The following MGST1 variants were observed in gnomAD, a reference collection of about 807,000 sequenced individuals.
MGST1 encodes the protein microsomal glutathione S-transferase 1.
In MGST1, 5 loss-of-function variants were observed where a neutral mutation model predicts 8.9. That is an observed-to-expected ratio of 0.56 (90% CI 0.29 to 1.19). The LOEUF (loss-of-function observed/expected upper bound fraction) is 1.19. MGST1 is among the 50% of genes most tolerant of loss of function. MGST1 has a pLI of 0.08. For missense variants in MGST1, 182 were observed against 187.4 expected, an observed-to-expected ratio of 0.97 and a Z score of 0.17; for synonymous variants, 54 against 67.8, an observed-to-expected ratio of 0.80 and a Z score of 1.00.
At position 16,497,319 on chromosome 12, in the gene MGST1, A is replaced by G. The variant is rs1941477409; in HGVS notation, n.483-92209A>G. ...ATGGAACAAATAATAGTTCTTTTTA[A>G]TCATGGAAATGAGGTAGTGTTAATC... On this transcript the variant is annotated intron_variant and non_coding_transcript_variant, in intron 4 of 4. Transcript: ENST00000538857. The surrounding 1 kb of genome is among the most constrained non-coding windows in gnomAD (Gnocchi z 4.4). 6.6e-6 allele frequency among the ~76,000 whole-genome samples: 1 copy of G among 152,150 alleles called. No homozygotes were observed.
rs918010827 is a variant in MGST1 at position 16,500,832 on chromosome 12, G to A, written n.483-88696G>A. ...ATGAAAATGTACTTAGAGGTTGGGC[G>A]TGGTGGCTCACGCCTGTAATCCCAG... On this transcript the variant is annotated intron_variant and non_coding_transcript_variant, in intron 4 of 4. Transcript: ENST00000538857. This position sits in a 1 kb window ranked among gnomAD's most constrained non-coding sequence, Gnocchi z 4.3. 2.0e-5 allele frequency among the ~76,000 whole-genome samples: 3 copies of A among 152,154 alleles called. No individual in the cohort carries two copies. Among genetic ancestry groups the A allele is most frequent in the Non-Finnish European group, 4.4e-5 (3 of 68,024 alleles).
chr12:16,565,887 T>C (rs1555116241), intron 4 of MGST1, among the ~76,000 whole-genome samples: 2 of 149,946 alleles, frequency 1.3e-5, no homozygotes, highest in Non-Finnish European at 3.0e-5. Context: ...AAGAGATATC[T>C]GCACTCTCGT....
chr12:16,451,380 ATAT>A (rs1369211781), intron 4 of MGST1, among the ~76,000 whole-genome samples: 1 of 151,922 alleles, frequency 6.6e-6, no homozygotes, highest in Non-Finnish European at 1.5e-5. Context: ...TCCACATACA[ATAT>A]TATACACACG....
At chr12:16,380,813 G>C (rs1446650184), downstream of MGST1, among the ~76,000 whole-genome samples, 1 of 152,166 alleles carries the variant, frequency 6.6e-6, no homozygotes, top group Non-Finnish European at 1.5e-5. Context: ...CTTGCTTTAT[G>C]AATCTGGGTG....
intron 4 of MGST1, among the ~76,000 whole-genome samples, chr12:16,571,730 G>C (rs916711330): frequency 1.3e-5 from 2 of 151,926 alleles, no homozygotes; most frequent in African/African-American, 4.8e-5. Flanking sequence ...ACCCTTTCAA[G>C]ATATTTATGT....
chr12:16,553,941 C>G (rs988842996), intron 4 of MGST1, among the ~76,000 whole-genome samples: 2 of 151,316 alleles, frequency 1.3e-5, no homozygotes, highest in African/African-American at 4.9e-5. Context: ...GCTACAATTA[C>G]TAAAAATAAA....
At chr12:16,427,626 C>A (rs1242544314) in intron 1 of MGST1, among the ~76,000 whole-genome samples, 2 of 152,206 alleles carry the variant, frequency 1.3e-5, no homozygotes, top group Non-Finnish European at 2.9e-5. Flanking sequence ...AAGTGATCCG[C>A]CCATCCTGGC....
intron 3 of MGST1, among the ~76,000 whole-genome samples, chr12:16,372,940 T>C (rs1940319883): frequency 7.0e-6 from 1 of 142,074 alleles, no homozygotes; most frequent in South Asian, 2.1e-4. Context: ...GTATATTTTA[T>C]ATTATATATT....
At chr12:16,512,700 G>T (rs1272526555) in intron 4 of MGST1, among the ~76,000 whole-genome samples, 1 of 152,294 alleles carries the variant, frequency 6.6e-6, no homozygotes, top group Non-Finnish European at 1.5e-5. Context: ...GGGATAAACA[G>T]AAGCCGTGCC....
At chr12:16,399,848 T>C in intron 1 of MGST1, 7 of 1,227,240 alleles carry the variant, frequency 5.7e-6, no homozygotes, top group South Asian at 3.6e-5. Context: ...GTAGTCCTTG[T>C]AGACAATTAC....
downstream of MGST1, among the ~76,000 whole-genome samples, chr12:16,590,539 CA>C (rs1482960380): frequency 6.6e-6 from 1 of 151,634 alleles, no homozygotes; most frequent in Non-Finnish European, 1.5e-5. Flanking sequence ...TAGCGGACTT[CA>C]AGAGTAGAAA....
At chr12:16,479,008 T>G (rs1323753742) in intron 4 of MGST1, among the ~76,000 whole-genome samples, 4 of 152,102 alleles carry the variant, frequency 2.6e-5, no homozygotes, top group African/African-American at 9.7e-5. Context: ...CATTGTGTCT[T>G]TATGAATTTA....
chr12:16,421,392 A>C (rs1328559598), intron 1 of MGST1, among the ~76,000 whole-genome samples: 1 of 152,160 alleles, frequency 6.6e-6, no homozygotes, highest in African/African-American at 2.4e-5. Flanking sequence ...TCCGGTTAAA[A>C]CACTTCCCTC....
intron 1 of MGST1, among the ~76,000 whole-genome samples, chr12:16,386,565 A>G (rs1940505849): frequency 6.6e-6 from 1 of 152,202 alleles, no homozygotes; most frequent in African/African-American, 2.4e-5. Context: ...TCTGTCATGA[A>G]GAATTACGAG....
chr12:16,560,851 A>G lies in MGST1; in HGVS notation n.483-28677A>G. On this transcript the variant is annotated intron_variant and non_coding_transcript_variant, in intron 4 of 4. Coordinates refer to the MGST1 transcript ENST00000538857. This position sits in a 1 kb window ranked among gnomAD's most constrained non-coding sequence, Gnocchi z 5.0. ...AGCAAAAATCTCTGGGTTAGAGTAT[A>G]TAGAAAATATAAAAGCAATATAACT... 1 of 336,700 alleles carries G rather than the reference A, an allele frequency of 3.0e-6. No homozygotes were observed. The highest frequency in any genetic ancestry group is 5.8e-6 in the Non-Finnish European group (1 of 173,230). 20.9% of individuals were successfully genotyped at this position (336,700 alleles called of 1,614,324 possible).
At chr12:16,408,933 T>C (rs1031297746) in intron 1 of MGST1, among the ~76,000 whole-genome samples, 10 of 152,190 alleles carry the variant, frequency 6.6e-5, no homozygotes, top group African/African-American at 2.4e-4. Flanking sequence ...TTTTCAATTT[T>C]GCTTATTGTG....
chr12:16,378,233 C>T (rs1940410790), downstream of MGST1, among the ~76,000 whole-genome samples: 1 of 152,130 alleles, frequency 6.6e-6, no homozygotes, highest in Non-Finnish European at 1.5e-5. Flanking sequence ...TGCCTATGTC[C>T]TGAATGGTAT....
downstream of MGST1, among the ~76,000 whole-genome samples, chr12:16,591,747 C>CA (rs1273579668): frequency 6.6e-6 from 1 of 152,048 alleles, no homozygotes; most frequent in Non-Finnish European, 1.5e-5. The surrounding 1 kb of genome is among the most constrained non-coding windows in gnomAD (Gnocchi z 4.1). Context: ...ATGAAAGTTA[C>CA]AAGCTAAGTC....
At chr12:16,490,673 G>A (rs540762390) in intron 4 of MGST1, among the ~76,000 whole-genome samples, 1 of 152,036 alleles carries the variant, frequency 6.6e-6, no homozygotes, top group African/African-American at 2.4e-5. Context: ...TATGAAGCTG[G>A]TATAACTATC....
Sources: allele counts gnomAD v4.1 joint callset (sites outside exome capture counted in the v4.1 genomes callset), GRCh38; gene constraint gnomAD v4.1.1; non-coding constraint Gnocchi (gnomAD v3.1); transcripts MANE v1.5; gene names NCBI Gene and HGNC (gene_info 2026-07-23, HGNC 2026-07-21).